PAX5: variants seen among roughly 807,000 people sequenced by gnomAD.
The protein encoded by PAX5 is paired box 5.
A neutral mutation model predicts 43.7 loss-of-function variants in PAX5; 9 were observed. The ratio of observed to expected loss-of-function variants is 0.21; its 90% CI spans 0.12 to 0.36. The LOEUF (loss-of-function observed/expected upper bound fraction) is 0.36. PAX5 is among the 10% of genes least tolerant of loss of function. PAX5 has a pLI of 1.00. For missense variants in PAX5, 383 were observed against 532.7 expected (o/e 0.72, Z 2.77); for synonymous variants, 228 against 214.3 (o/e 1.06, Z -0.56).
At chr9:36,904,304 C>A (rs773000519) in intron 7 of PAX5, among the ~76,000 whole-genome samples, 1 of 152,142 alleles carries the variant, frequency 6.6e-6, no homozygotes, top group African/African-American at 2.4e-5. Flanking sequence ...ATCCTACACA[C>A]CAGCCCCCTA....
chr9:36,939,896 C>T (rs1044039053), intron 6 of PAX5, among the ~76,000 whole-genome samples: 5 of 151,480 alleles, frequency 3.3e-5, no homozygotes, highest in Non-Finnish European at 7.4e-5. Context: ...CCAGTGTCCT[C>T]GTGGCCACTC....
chr9:36,946,909 G>C (rs1010039282), intron 6 of PAX5, among the ~76,000 whole-genome samples: 2 of 152,110 alleles, frequency 1.3e-5, no homozygotes, highest in Non-Finnish European at 2.9e-5. Context: ...ACTCAGCCAC[G>C]TGCAGGGCCA....
chr9:36,939,508 T>C (rs952058515), intron 6 of PAX5, among the ~76,000 whole-genome samples: 1 of 152,200 alleles, frequency 6.6e-6, no homozygotes, highest in African/African-American at 2.4e-5. Context: ...AATCTAAATG[T>C]CTTGAATTTA....
Position 36,901,559 on chromosome 9 carries a change from G to A in PAX5, c.911-19454C>T, listed in dbSNP as rs571777401. On this transcript the variant is annotated intron_variant, in intron 7 of 9. Transcript: ENST00000358127. ...ACAACCCTCAGAACAACCCAATGAG[G>A]AGAGTGTTAGCCTCACTTCCAGGTG... Among the ~76,000 whole-genome samples the A allele has an allele frequency of 4.6e-5, 7 of 152,310 alleles. No individual in the cohort carries two copies. In the South Asian group the frequency reaches 1.4e-3, roughly 32 times the overall value.
At chr9:36,875,958 T>G (rs1587840196) in intron 8 of PAX5, among the ~76,000 whole-genome samples, 1 of 152,158 alleles carries the variant, frequency 6.6e-6, no homozygotes, top group Non-Finnish European at 1.5e-5. Context: ...AGTCACTCAT[T>G]TGTGGTAATT....
At chr9:36,918,030 T>G (rs548482669) in intron 7 of PAX5, among the ~76,000 whole-genome samples, 2 of 152,318 alleles carry the variant, frequency 1.3e-5, no homozygotes, top group East Asian at 3.9e-4. Context: ...GATTGGCTGT[T>G]CCCTCATCTC....
chr9:37,030,456 C>G (rs1356847956), intron 1 of PAX5, among the ~76,000 whole-genome samples: 1 of 152,328 alleles, frequency 6.6e-6, no homozygotes, highest in East Asian at 1.9e-4. Context: ...GAGCCGCAGC[C>G]TGGGTCCAGG....
chr9:36,966,402 AAG>A (rs1353835518), intron 6 of PAX5, 145 bp downstream of exon 6: 2 of 776,806 alleles, frequency 2.6e-6, no homozygotes. Flanking sequence ...GCGACTGCCC[AAG>A]TTTGGCCAAG....
chr9:36,970,559 C>G lies in PAX5; in HGVS notation c.605-3835G>C, dbSNP rs369774104. Among the ~76,000 whole-genome samples the G allele has an allele frequency of 9.3e-4, 141 of 152,276 alleles. 1 individual carries two copies. Among genetic ancestry groups the G allele is most frequent in the Middle Eastern group, 3.4e-3 (1 of 294 alleles). The stretch of plus-strand genomic sequence containing the variant: ...GCTCGTTCCTTCAGGTCAGGCCATG[C>G]TTTCTAAACTCTGCTCCCAAGCCTC... On this transcript the variant is annotated intron_variant, in intron 5 of 9. Transcript: ENST00000358127.
At chr9:36,980,074 G>A (rs940180159) in intron 5 of PAX5, among the ~76,000 whole-genome samples, 11 of 152,170 alleles carry the variant, frequency 7.2e-5, no homozygotes, top group African/African-American at 2.7e-4. Flanking sequence ...ATTCCCTACT[G>A]TCAACATGGC....
chr9:37,002,875 G>A, intron 4 of PAX5, 99 bp from the exon 5 acceptor site: 1 of 1,422,802 alleles, frequency 7.0e-7, no homozygotes, highest in Non-Finnish European at 9.4e-7. Context: ...GAGGGAGCGA[G>A]CGCAGGGTGG....
chr9:36,858,839 C>G (rs1330906151), intron 8 of PAX5, among the ~76,000 whole-genome samples: 4 of 152,158 alleles, frequency 2.6e-5, no homozygotes, highest in Non-Finnish European at 5.9e-5. Flanking sequence ...AAGAAATCAC[C>G]TCCCCTGGCT....
At chr9:36,937,867 T>C (rs1831694572) in intron 6 of PAX5, among the ~76,000 whole-genome samples, 1 of 152,246 alleles carries the variant, frequency 6.6e-6, no homozygotes, top group Non-Finnish European at 1.5e-5. Context: ...TAGCAATTCA[T>C]CTTAACATTA....
intron 1 of PAX5, among the ~76,000 whole-genome samples, chr9:37,026,134 A>G (rs2132534271): frequency 6.6e-6 from 1 of 152,372 alleles, no homozygotes; most frequent in African/African-American, 2.4e-5. Flanking sequence ...CCCATGGCTG[A>G]AAAAGGCGCC....
intron 6 of PAX5, among the ~76,000 whole-genome samples, chr9:36,924,405 C>T (rs1364165136): frequency 6.6e-6 from 1 of 152,170 alleles, no homozygotes; most frequent in African/African-American, 2.4e-5. Context: ...CACCCCACCC[C>T]AGGGCCTATT....
At chr9:36,971,977 C>T (rs1381081816) in intron 5 of PAX5, among the ~76,000 whole-genome samples, 1 of 152,222 alleles carries the variant, frequency 6.6e-6, no homozygotes, top group Non-Finnish European at 1.5e-5. Context: ...AGGGGTTTTG[C>T]ATTTTTCTTG....
rs1836137337 is a variant in PAX5 at position 36,983,725 on chromosome 9, CG to C, written c.605-17002del. ...CTCAGCTCAAGGGATCCACCCCTCT[CG>C]GCCTCCCAAAGTGCTAGGATTACAG... is the stretch of plus-strand genomic sequence containing the variant. On this transcript the variant is annotated intron_variant, in intron 5 of 9. Coordinates refer to ENST00000358127, the MANE Select transcript of PAX5 (RefSeq NM_016734.3). Among the ~76,000 whole-genome samples the C allele has an allele frequency of 6.6e-5, 10 of 152,266 alleles. No homozygotes were observed. In the South Asian group the frequency reaches 2.1e-3, roughly 32 times the overall value.
intron 8 of PAX5, among the ~76,000 whole-genome samples, chr9:36,862,272 T>C (rs1269688795): frequency 6.6e-6 from 1 of 151,640 alleles, no homozygotes; most frequent in Non-Finnish European, 1.5e-5. Context: ...GGGTGCGGAG[T>C]CCTGTCTGGC....
intron 5 of PAX5, among the ~76,000 whole-genome samples, chr9:36,968,492 C>T (rs535465293): frequency 6.6e-6 from 1 of 152,308 alleles, no homozygotes; most frequent in Admixed American, 6.5e-5. Flanking sequence ...GACCCAGCAT[C>T]CTCTATAGGA....
Sources: allele counts gnomAD v4.1 joint callset (sites outside exome capture counted in the v4.1 genomes callset), GRCh38; gene constraint gnomAD v4.1.1; transcripts MANE v1.5; gene names NCBI Gene and HGNC (gene_info 2026-07-23, HGNC 2026-07-21).